Variants in ZNF534 observed in about 807,000 individuals in gnomAD.
ZNF534 encodes KRAB domain only 3.
A neutral mutation model predicts 13.6 loss-of-function variants in ZNF534; 19 were observed. The observed-to-expected ratio is 1.40, with a 90% CI of 0.97 to 2.05. The LOEUF (loss-of-function observed/expected upper bound fraction) is 2.05. Among genes scored for constraint, ZNF534 ranks in the 30% most tolerant of loss-of-function variants. The probability of loss-of-function intolerance (pLI) is 0.00; values close to 1 mark genes in which losing one functional copy is unlikely to be tolerated. For synonymous variants in ZNF534, 244 were observed against 273.8 expected (o/e 0.89, Z 1.07); for missense variants, 782 against 796.3 (o/e 0.98, Z 0.22).
chr19:52,437,512 G>A (rs148531222), intron 4 of ZNF534, among the ~76,000 whole-genome samples: 266 of 152,236 alleles, frequency 1.7e-3, no homozygotes, highest in Non-Finnish European at 3.5e-3. Flanking sequence ...TAGCTACTTG[G>A]GAGGGAGAAT....
chr19:52,443,152 G>A (rs2059182494), downstream of ZNF534, among the ~76,000 whole-genome samples: 3 of 152,166 alleles, frequency 2.0e-5, no homozygotes, highest in Admixed American at 1.3e-4. Context: ...AAATGGAAGA[G>A]AAAACATGCA....
rs563680869 is a variant in ZNF534, at chr19:52,439,653, G to A, written c.*207G>A. On this transcript the variant is annotated 3_prime_UTR_variant, in exon 5 of 5. Transcript: ENST00000433050. ...AGGCACCTGTAGTCCCAGCTACTCA[G>A]GAGGCTGAGGCAGGAGGATGGCATG... is the stretch of plus-strand genomic sequence containing the variant. Among the ~76,000 whole-genome samples, 99 of 151,918 alleles carry A rather than the reference G, an allele frequency of 6.5e-4. 2 individuals carry two copies. Among genetic ancestry groups the A allele is most frequent in the African/African-American group, 2.3e-3 (97 of 41,406 alleles).
chr19:52,447,530 A>C (rs913977422), intron 4 of ZNF534, among the ~76,000 whole-genome samples: 2 of 152,216 alleles, frequency 1.3e-5, no homozygotes, highest in African/African-American at 4.8e-5. Context: ...GGTGTTCTTC[A>C]GGAAGATGAA....
chr19:52,436,133 TTTCACCGTGTTAGC>T (rs2122683271), intron 4 of ZNF534, among the ~76,000 whole-genome samples: 1 of 151,418 alleles, frequency 6.6e-6, no homozygotes, highest in East Asian at 2.0e-4. Context: ...AGAGACGGGG[TTTCACCGTGTTAGC>T]CAGGATGTTC....
At chr19:52,429,744 C>G (rs1304679175) in intron 1 of ZNF534, among the ~76,000 whole-genome samples, 1 of 151,880 alleles carries the variant, frequency 6.6e-6, no homozygotes, top group Admixed American at 6.6e-5. Flanking sequence ...TACAGGCATA[C>G]GCCACCATGC....
In ZNF534 at chr19:52,436,129, G is replaced by A. The variant is rs375743765; in HGVS notation, c.271+920G>A. Among the ~76,000 whole-genome samples the A allele has an allele frequency of 1.0e-3, 155 of 151,024 alleles. 4 individuals are homozygous for A. Among genetic ancestry groups the A allele is most frequent in the African/African-American group, 3.5e-3 (144 of 41,154 alleles). On this transcript the variant is annotated intron_variant, in intron 4 of 4. Coordinates refer to ENST00000433050, the MANE Select transcript of ZNF534 (RefSeq NM_001143938.3). ...TTTTTTTTGTATTTTTAGTAGAGAC[G>A]GGGTTTCACCGTGTTAGCCAGGATG...
chr19:52,436,769 T>C (rs1334730212), intron 4 of ZNF534, among the ~76,000 whole-genome samples: 1 of 152,212 alleles, frequency 6.6e-6, no homozygotes, highest in Non-Finnish European at 1.5e-5. Context: ...GTATTTCAGC[T>C]CCAGAATTTC....
chr19:52,437,083 A>G (rs1479827272), intron 4 of ZNF534, among the ~76,000 whole-genome samples: 1 of 152,088 alleles, frequency 6.6e-6, no homozygotes, highest in Non-Finnish European at 1.5e-5. Context: ...TCTGGGATGT[A>G]TCTTTCCTGA....
chr19:52,433,586 T>C (rs938137056), intron 2 of ZNF534, among the ~76,000 whole-genome samples: 8 of 152,226 alleles, frequency 5.3e-5, no homozygotes, highest in African/African-American at 1.9e-4. Context: ...CAAGATGGTC[T>C]TGATCTCCTG....
At chr19:52,437,251 C>A (rs760326602) in intron 4 of ZNF534, among the ~76,000 whole-genome samples, 7 of 152,136 alleles carry the variant, frequency 4.6e-5, no homozygotes, top group Admixed American at 2.0e-4. Flanking sequence ...CCCCTGACTC[C>A]TGCAGATTCC....
In ZNF534 at chr19:52,429,189, T is replaced by A. The variant is rs927962171; in HGVS notation, c.-123T>A. 1.3e-5 allele frequency: 2 copies of A among 152,084 alleles called. No individual in the cohort carries two copies. Among genetic ancestry groups the A allele is most frequent in the African/African-American group, 4.8e-5 (2 of 41,372 alleles). The allele number at this position is 152,084 out of a possible 1,614,324, so 9.4% of individuals were successfully genotyped here. On this transcript the variant is annotated 5_prime_UTR_variant, in exon 1 of 5. Coordinates refer to ENST00000433050, the MANE Select transcript of ZNF534 (RefSeq NM_001143938.3). ...ATCATGGAGTGAACGTTTCGCGCGC[T>A]TTTTCCTGTAGACCCGGCACCCGAC...
In ZNF534 at chr19:52,431,503, C is replaced by T. The variant is rs2122653205; in HGVS notation, c.15+14C>T. ...GCCCTTACTCAGGTAAGGTAATGTTCTCAGTGGATTGTTCTGTCTCTGTTT... is the reference window on the plus strand; with the variant it reads ...GCCCTTACTCAGGTAAGGTAATGTTTTCAGTGGATTGTTCTGTCTCTGTTT... On this transcript the variant is annotated intron_variant, in intron 2 of 4. Coordinates refer to ENST00000433050, the MANE Select transcript of ZNF534 (RefSeq NM_001143938.3). 3.1e-6 allele frequency: 5 copies of T among 1,614,022 alleles called. No homozygotes were observed. In the East Asian group the frequency reaches 1.1e-4, roughly 36 times the overall value.
chr19:52,451,979 C>T (rs1485013519), exon 5 of ZNF534: 4 of 329,286 alleles, frequency 1.2e-5, no homozygotes, highest in Non-Finnish European at 1.8e-5. Context: ...GAAGTCATAC[C>T]TTTTTCTTAA....
chr19:52,432,990 C>T (rs1339249394), intron 2 of ZNF534, among the ~76,000 whole-genome samples: 1 of 151,994 alleles, frequency 6.6e-6, no homozygotes, highest in East Asian at 1.9e-4. Flanking sequence ...TGCCTGTAAT[C>T]CCAGCATTTT....
exon 5 of ZNF534, chr19:52,451,529 C>T: frequency 1.7e-6 from 1 of 600,342 alleles, no homozygotes; most frequent in Non-Finnish European, 2.9e-6. Flanking sequence ...CCAGCGGGCC[C>T]AGCCCGCGGA....
At position 52,441,167 on chromosome 19, in the gene ZNF534, G is replaced by T. The variant is rs1357488463; in HGVS notation, c.*1721G>T. Among the ~76,000 whole-genome samples the T allele has an allele frequency of 1.3e-5, 2 of 151,984 alleles. No homozygotes were observed. Among genetic ancestry groups the T allele is most frequent in the Non-Finnish European group, 2.9e-5 (2 of 68,026 alleles). The stretch of plus-strand genomic sequence containing the variant: ...GATCCATCTGCCTTGGCCTCCCAAA[G>T]TGCTGGGATTACAGGCATGAGCTGC... On this transcript the variant is annotated 3_prime_UTR_variant, in exon 5 of 5. Transcript: ENST00000433050.
At chr19:52,447,052 T>C (rs2608541), downstream of ZNF534, among the ~76,000 whole-genome samples, 139,307 of 152,226 alleles carry the variant, frequency 0.92, 64,097 homozygotes, top group Non-Finnish European at 0.96. Flanking sequence ...GATCATCTTA[T>C]ATCTTTATCT....
In ZNF534 at chr19:52,439,333, A is replaced by G. The variant is rs1302973565; in HGVS notation, c.1873A>G (p.Arg625Gly). The change falls in exon 5 of 5, where the codon AGG becomes GGG. Residue 625 changes from arginine to glycine, a missense_variant. Arg to Gly is a moderately radical substitution (Grantham distance 125). Around this residue, in one of 5 missense-constraint regions of ZNF534, gnomAD observed 60 missense variants for 59.9 expected, o/e 1.00. Coordinates refer to ENST00000433050, the MANE Select transcript of ZNF534 (RefSeq NM_001143938.3). ...FSRNSRLAQH[R>G]NIHTGVKPYS... ...TCGGAATTCACGCCTTGCACAACAT[A>G]GGAATATTCATACTGGAGTGAAGCC... 3 of 1,553,842 alleles carry G rather than the reference A, an allele frequency of 1.9e-6. No individual in the cohort carries two copies. In the African/African-American group the frequency reaches 4.1e-5, roughly 21 times the overall value.
At chr19:52,432,532 C>T (rs960349839) in intron 2 of ZNF534, among the ~76,000 whole-genome samples, 4 of 152,196 alleles carry the variant, frequency 2.6e-5, no homozygotes, top group African/African-American at 9.6e-5. Context: ...TCATGTAAAT[C>T]ATTGAGAATA....
Sources: gnomAD v4.1 joint callset for allele counts (sites outside exome capture counted in the v4.1 genomes callset) on GRCh38, gnomAD v4.1.1 for gene constraint, gnomAD v4.1.1 regional missense constraint, MANE v1.5 for transcripts, NCBI Gene and HGNC (gene_info 2026-07-23, HGNC 2026-07-21) for gene names.